Variants in SH3GL2 observed in about 807,000 individuals in gnomAD.
SH3GL2 encodes the protein endophilin-A1.
Under a neutral mutation model 46.0 loss-of-function variants are expected in SH3GL2, and 24 were observed. The ratio of observed to expected loss-of-function variants is 0.52; its 90% CI spans 0.38 to 0.73. SH3GL2 has a LOEUF of 0.73. SH3GL2 is among the 30% of genes least tolerant of loss of function. SH3GL2 has a pLI of 0.00. For missense variants in SH3GL2, 413 were observed against 424.2 expected, an observed-to-expected ratio of 0.97 and a Z score of 0.23; for synonymous variants, 196 against 147.1, an observed-to-expected ratio of 1.33 and a Z score of -2.40.
chr9:17,580,881 T>A (rs1420561980), intron 1 of SH3GL2, among the ~76,000 whole-genome samples: 2 of 152,090 alleles, frequency 1.3e-5, no homozygotes, highest in Non-Finnish European at 2.9e-5. Flanking sequence ...AGATTTCTTT[T>A]GCAAAGCTTA....
rs557125364 is a variant in SH3GL2 at position 17,670,651 on chromosome 9, G to T, written c.46-76415G>T. On this transcript the variant is annotated intron_variant, in intron 1 of 8. Transcript: ENST00000380607. ...CTTTGTTTTCCCAACTTTAGCTCTT[G>T]ACTATCTTTAGTCCAACTTGGCTGG... Among the ~76,000 whole-genome samples, 4 of 152,258 alleles carry T rather than the reference G, an allele frequency of 2.6e-5. No individual in the cohort carries two copies. The East Asian group carries it at 7.7e-4, about 29-fold the overall frequency.
In SH3GL2 at chr9:17,667,007, A is replaced by G. The variant is rs75454344; in HGVS notation, c.46-80059A>G. 4.6e-5 allele frequency among the ~76,000 whole-genome samples: 7 copies of G among 152,134 alleles called. No individual in the cohort carries two copies. The East Asian group carries it at 1.3e-3, about 29-fold the overall frequency. On this transcript the variant is annotated intron_variant, in intron 1 of 8. Transcript: ENST00000380607. The stretch of plus-strand genomic sequence containing the variant: ...TGTCATTTGCTTTTATTATGTGTTA[A>G]GTTGAAGAGTTTTCATGTGATAAAT...
intron 3 of SH3GL2, among the ~76,000 whole-genome samples, chr9:17,763,904 AG>A (rs1823247583): frequency 6.6e-6 from 1 of 152,144 alleles, no homozygotes; most frequent in South Asian, 2.1e-4. Flanking sequence ...TTAGGTGTGA[AG>A]GGTCCTTCCC....
intron 3 of SH3GL2, among the ~76,000 whole-genome samples, chr9:17,763,885 C>A (rs10963256): frequency 4.6e-5 from 7 of 152,104 alleles, no homozygotes; most frequent in Non-Finnish European, 8.8e-5. Context: ...AGGGTAGGCT[C>A]CATTTCATTT....
At chr9:17,586,378 T>G (rs1243568673) in intron 1 of SH3GL2, among the ~76,000 whole-genome samples, 1 of 152,170 alleles carries the variant, frequency 6.6e-6, no homozygotes, top group African/African-American at 2.4e-5. Context: ...TTTTGAATTA[T>G]GATATATATA....
At chr9:17,706,421 C>T (rs1385982062) in intron 1 of SH3GL2, among the ~76,000 whole-genome samples, 1 of 152,102 alleles carries the variant, frequency 6.6e-6, no homozygotes, top group Non-Finnish European at 1.5e-5. Context: ...ATGAACTTTC[C>T]TGTCCTCTCA....
chr9:17,705,728 G>A lies in SH3GL2; in HGVS notation c.46-41338G>A, dbSNP rs569180970. Among the ~76,000 whole-genome samples, 3 of 152,050 alleles carry A rather than the reference G, an allele frequency of 2.0e-5. No homozygotes were observed. In the East Asian group the frequency reaches 5.8e-4, roughly 30 times the overall value. On this transcript the variant is annotated intron_variant, in intron 1 of 8. Transcript: ENST00000380607. ...CAGAAAACAAAATACAGTATGTTCA[G>A]GTATAAGTGGGAGCTAAACATTCAG...
intron 1 of SH3GL2, among the ~76,000 whole-genome samples, chr9:17,690,737 G>A (rs761755938): frequency 5.3e-5 from 8 of 152,062 alleles, no homozygotes; most frequent in Non-Finnish European, 1.2e-4. Context: ...AAAAGTGCCG[G>A]GTACTAGGGG....
chr9:17,681,971 C>G (rs964166217), intron 1 of SH3GL2, among the ~76,000 whole-genome samples: 1 of 152,004 alleles, frequency 6.6e-6, no homozygotes, highest in Admixed American at 6.6e-5. Flanking sequence ...AAAAGCTGAA[C>G]ATCAGTGATC....
intron 2 of SH3GL2, among the ~76,000 whole-genome samples, chr9:17,748,566 T>TA (rs111762975): frequency 2.2e-3 from 338 of 150,284 alleles, no homozygotes; most frequent in African/African-American, 6.6e-3. Context: ...TGTGAGAAAT[T>TA]AAAAAAAAAA....
chr9:17,784,500 G>T (rs1257062289), intron 3 of SH3GL2, among the ~76,000 whole-genome samples: 1 of 151,888 alleles, frequency 6.6e-6, no homozygotes, highest in African/African-American at 2.4e-5. Context: ...TATTTTATTT[G>T]CACTGTTTTC....
In SH3GL2 at chr9:17,793,465, G is replaced by T. The variant is rs150543523; in HGVS notation, c.827G>T (p.Gly276Val). ...GGAGACAGTACTCAGCCCAATGGGG[G>T]TCTCTCCCACACAGGCACTCCCAAA... ...PTGDSTQPNG[G>V]LSHTGTPKPS... Residue 276 changes from glycine to valine, a missense_variant, in exon 8 of 9, where the codon GGT (glycine) becomes GTT (valine). This residue lies in a region of SH3GL2 where 248 missense variants were observed against 215.0 expected (regional missense o/e 1.15). Coordinates refer to ENST00000380607, the MANE Select transcript of SH3GL2 (RefSeq NM_003026.5). The T allele has an allele frequency of 4.1e-3, 6,535 of 1,612,718 alleles. 25 individuals are homozygous for T. The highest frequency in any genetic ancestry group is 4.3e-3 in the Non-Finnish European group (5,128 of 1,179,550).
intron 1 of SH3GL2, among the ~76,000 whole-genome samples, chr9:17,731,742 A>G (rs1009420560): frequency 1.3e-5 from 2 of 152,126 alleles, no homozygotes; most frequent in South Asian, 2.1e-4. Context: ...GTTTAGTCCA[A>G]AGGGGCTTGC....
At chr9:17,763,841 C>T (rs1056117509) in intron 3 of SH3GL2, among the ~76,000 whole-genome samples, 1 of 152,192 alleles carries the variant, frequency 6.6e-6, no homozygotes, top group African/African-American at 2.4e-5. Flanking sequence ...TCCTAAGTCT[C>T]TGCACTTCAC....
rs1271456182 is a variant in SH3GL2, at chr9:17,796,610, C to G, written c.*867C>G. 1 of 152,550 alleles carries G rather than the reference C, an allele frequency of 6.6e-6. No individual in the cohort carries two copies. The highest frequency in any genetic ancestry group is 1.5e-5 in the Non-Finnish European group (1 of 68,030). The allele number at this position is 152,550 out of a possible 1,614,324, so 9.4% of individuals were successfully genotyped here. A position where few individuals can be genotyped will look rare whatever the true frequency, so the allele number is the denominator to read the frequency against. On this transcript the variant is annotated 3_prime_UTR_variant, in exon 9 of 9. Transcript: ENST00000380607. ...TTTGTGAATTACATGTTTCATGAATCCATTTGGCACAGAGACACAAGGAAG... is the reference window on the plus strand; with the variant it reads ...TTTGTGAATTACATGTTTCATGAATGCATTTGGCACAGAGACACAAGGAAG...
chr9:17,710,601 C>A (rs115989830), intron 1 of SH3GL2, among the ~76,000 whole-genome samples: 3 of 151,958 alleles, frequency 2.0e-5, no homozygotes, highest in Admixed American at 2.0e-4. Context: ...ATTTGTACAT[C>A]CATGTTCACA....
intron 1 of SH3GL2, among the ~76,000 whole-genome samples, chr9:17,707,311 A>G (rs1223442152): frequency 2.6e-5 from 4 of 151,950 alleles, no homozygotes. Flanking sequence ...TTTCTTCTAA[A>G]TCTTCCTCTT....
At chr9:17,638,500 G>C (rs1175047247) in intron 1 of SH3GL2, among the ~76,000 whole-genome samples, 1 of 152,236 alleles carries the variant, frequency 6.6e-6, no homozygotes, top group East Asian at 1.9e-4. Context: ...ACCAAATGAT[G>C]AGGTGAAGAC....
At chr9:17,656,153 A>G (rs1820071354) in intron 1 of SH3GL2, among the ~76,000 whole-genome samples, 1 of 152,132 alleles carries the variant, frequency 6.6e-6, no homozygotes. Context: ...TTCTATGTAA[A>G]TTGTGTTGAT....
Sources: allele counts gnomAD v4.1 joint callset (sites outside exome capture counted in the v4.1 genomes callset), GRCh38; gene constraint gnomAD v4.1.1; regional missense constraint gnomAD v4.1.1; transcripts MANE v1.5; gene names NCBI Gene and HGNC (gene_info 2026-07-23, HGNC 2026-07-21).